Variants in ZBTB22 observed in about 807,000 individuals in gnomAD.
ZBTB22 encodes the protein zinc finger and BTB domain containing 22.
For missense variants in ZBTB22, 668 were observed against 834.1 expected (o/e 0.80, Z 2.45); for synonymous variants, 356 against 347.3 (o/e 1.03, Z -0.28).
chr6:33,314,798 T>G lies in ZBTB22; in HGVS notation c.*214A>C. The G allele has an allele frequency of 1.1e-6, 1 of 923,518 alleles. No homozygotes were observed. The highest frequency in any genetic ancestry group is 1.5e-6 in the Non-Finnish European group (1 of 658,144). 57.2% of individuals were successfully genotyped at this position (923,518 alleles called of 1,614,324 possible). ...GTACCCATCAGAGGGAAAGGAAGGG[T>G]TTAGTTCTGGAAATACCTTGGGGGG... On this transcript the variant is annotated 3_prime_UTR_variant, in exon 2 of 2. Transcript: ENST00000431845.
rs147203161 is a variant in ZBTB22, at chr6:33,316,134, T to C, written c.783A>G (p.Ala261=). The change falls in exon 2 of 2, where the codon GCA becomes GCG. Residue 261 remains alanine, a synonymous_variant. Coordinates refer to ENST00000431845, the MANE Select transcript of ZBTB22 (RefSeq NM_005453.5). This position sits in a 1 kb window ranked among gnomAD's most constrained non-coding sequence, Gnocchi z 7.2. ...CCCCACCATCATCGCACAGCTCATC[T>C]GCCTCCAGCAGCAGCTTTCCAGATG... ...GATSGKLLLE[A]DELCDDGGDG... 4.3e-6 allele frequency: 7 copies of C among 1,613,688 alleles called. No homozygotes were observed. The South Asian group carries it at 7.7e-5, about 18-fold the overall frequency.
intron 1 of ZBTB22, among the ~76,000 whole-genome samples, chr6:33,317,262 G>C (rs760856181): frequency 6.6e-6 from 1 of 152,192 alleles, no homozygotes; most frequent in Non-Finnish European, 1.5e-5. Context: ...GCTCTTAGGG[G>C]CTGGAGTGGC....
intron 1 of ZBTB22, 47 bp from the exon 2 acceptor site, chr6:33,317,032 A>G (rs1316824732): frequency 4.7e-6 from 6 of 1,270,414 alleles, no homozygotes; most frequent in Non-Finnish European, 6.4e-6. Flanking sequence ...TCATAACGAC[A>G]CAGCCCGTTA....
In ZBTB22 at chr6:33,315,986, G is replaced by C; in HGVS notation, c.931C>G (p.Pro311Ala). The change falls in exon 2 of 2, where the codon CCC becomes GCC. Residue 311 changes from proline (P) to alanine (A), a missense_variant. By Grantham distance (27) the Pro-to-Ala change is conservative. Coordinates refer to ENST00000431845, the MANE Select transcript of ZBTB22 (RefSeq NM_005453.5). The surrounding 1 kb of genome is among the most constrained non-coding windows in gnomAD (Gnocchi z 5.4). ...KRGGNCPAPT[P>A]LVPQDPDLEE... is the part of the protein sequence containing the mutation. Reference sequence around the variant, plus strand: ...AGATCTGGGTCTTGGGGAACCAGGGGTGTTGGCGCTGGGCAATTACCACCT... The same window carrying C: ...AGATCTGGGTCTTGGGGAACCAGGGCTGTTGGCGCTGGGCAATTACCACCT... 6.2e-7 allele frequency: 1 copy of C among 1,614,074 alleles called. No individual in the cohort carries two copies. Among genetic ancestry groups the C allele is most frequent in the Non-Finnish European group, 8.5e-7 (1 of 1,180,002 alleles).
Position 33,315,507 on chromosome 6 carries a change from A to C in ZBTB22, c.1410T>G (p.Val470=), listed in dbSNP as rs1769788390. The C allele has an allele frequency of 6.2e-7, 1 of 1,613,548 alleles. No homozygotes were observed. The highest frequency in any genetic ancestry group is 1.3e-5 in the African/African-American group (1 of 74,778). ...TGCCAGTCCCTCCAGGGACCCCACC[A>C]ACGCTACCCGGCACACCCAGGCTCC... ...SVGSLGVPGS[V]GGVPGGTGSG... The change falls in exon 2 of 2, where the codon GTT becomes GTG. Residue 470 remains valine, a synonymous_variant. Transcript: ENST00000431845. The surrounding 1 kb of genome is among the most constrained non-coding windows in gnomAD (Gnocchi z 5.4).
Position 33,316,819 on chromosome 6 carries a change from T to G in ZBTB22, c.98A>C (p.His33Pro). Reference sequence around the variant, plus strand: ...ACTGGTCACCTCAGGGAAGGACACATGTACCACTGCAGCTGCTGGCAGGGG... The same window carrying G: ...ACTGGTCACCTCAGGGAAGGACACAGGTACCACTGCAGCTGCTGGCAGGGG... ...PLPLPAAAVV[H>P]VSFPEVTSAL... Residue 33 changes from histidine (H) to proline (P), a missense_variant, in exon 2 of 2, where the codon CAT (histidine) becomes CCT (proline). Physicochemically the swap from His to Pro is moderately conservative, Grantham distance 77. Transcript: ENST00000431845. The surrounding 1 kb of genome is among the most constrained non-coding windows in gnomAD (Gnocchi z 7.2). The G allele has an allele frequency of 6.2e-7, 1 of 1,613,994 alleles. No individual in the cohort carries two copies. The highest frequency in any genetic ancestry group is 8.5e-7 in the Non-Finnish European group (1 of 1,179,996).
Position 33,315,818 on chromosome 6 carries a change from G to A in ZBTB22, c.1099C>T (p.Pro367Ser). 2.5e-6 allele frequency: 4 copies of A among 1,612,832 alleles called. No homozygotes were observed. The African/African-American group carries it at 5.3e-5, about 22-fold the overall frequency. The change falls in exon 2 of 2, where the codon CCC becomes TCC. Residue 367 changes from proline (P) to serine (S), a missense_variant. By Grantham distance (74) the Pro-to-Ser change is moderately conservative (BLOSUM62 -1). Coordinates refer to ENST00000431845, the MANE Select transcript of ZBTB22 (RefSeq NM_005453.5). This position sits in a 1 kb window ranked among gnomAD's most constrained non-coding sequence, Gnocchi z 5.4. ...SISDVRTLSE[P>S]PDKGEEQVNF... ...ACCTGCTCCTCCCCCTTGTCTGGGGGCTCACTCAGGGTACGGACATCACTT... is the reference window on the plus strand; with the variant it reads ...ACCTGCTCCTCCCCCTTGTCTGGGGACTCACTCAGGGTACGGACATCACTT...
At position 33,315,118 on chromosome 6, in the gene ZBTB22, C is replaced by A. The variant is rs570806041; in HGVS notation, c.1799G>T (p.Gly600Val). The A allele has an allele frequency of 2.5e-6, 4 of 1,612,204 alleles. No individual in the cohort carries two copies. The South Asian group carries it at 4.4e-5, about 18-fold the overall frequency. The change falls in exon 2 of 2, where the codon GGC (glycine) becomes GTC (valine). Residue 600 changes from glycine (G) to valine (V), a missense_variant. By Grantham distance (109) the Gly-to-Val change is moderately radical. Coordinates refer to ENST00000431845, the MANE Select transcript of ZBTB22 (RefSeq NM_005453.5). This position sits in a 1 kb window ranked among gnomAD's most constrained non-coding sequence, Gnocchi z 5.4. The part of the protein sequence containing the change: ...RESPGVGGGS[G>V]DEASAATPPS... ...GGGCGTGGCCGCACTCGCTTCGTCGCCGCTGCCCCCGCCCACTCCGGGAGA... is the reference window on the plus strand; with the variant it reads ...GGGCGTGGCCGCACTCGCTTCGTCGACGCTGCCCCCGCCCACTCCGGGAGA...
At position 33,314,858 on chromosome 6, in the gene ZBTB22, G is replaced by T. The variant is rs1156742835; in HGVS notation, c.*154C>A. 3 of 1,381,102 alleles carry T rather than the reference G, an allele frequency of 2.2e-6. No individual in the cohort carries two copies. Among genetic ancestry groups the T allele is most frequent in the Non-Finnish European group, 1.9e-6 (2 of 1,054,182 alleles). 85.6% of individuals were successfully genotyped at this position (1,381,102 alleles called of 1,614,324 possible). The stretch of plus-strand genomic sequence containing the variant: ...AGTAGTAGAATGGGCGGGCGATGGT[G>T]AAACTGTGGTTCCCCTTCCAGAATA... On this transcript the variant is annotated 3_prime_UTR_variant, in exon 2 of 2. Coordinates refer to ENST00000431845, the MANE Select transcript of ZBTB22 (RefSeq NM_005453.5).
At position 33,316,260 on chromosome 6, in the gene ZBTB22, A is replaced by T; in HGVS notation, c.657T>A (p.Ser219=). ...FSPRESTDFS[S]SSQEAFAASA... is the part of the protein sequence containing the mutation. Reference sequence around the variant, plus strand: ...AAGCTGCAAATGCCTCTTGGGAGGAAGATGAGAAATCAGTGGACTCCCTGG... The same window carrying T: ...AAGCTGCAAATGCCTCTTGGGAGGATGATGAGAAATCAGTGGACTCCCTGG... Residue 219 remains serine, a synonymous_variant, in exon 2 of 2, where the codon TCT becomes TCA. Coordinates refer to ENST00000431845, the MANE Select transcript of ZBTB22 (RefSeq NM_005453.5). This position sits in a 1 kb window ranked among gnomAD's most constrained non-coding sequence, Gnocchi z 7.2. The T allele has an allele frequency of 6.2e-7, 1 of 1,614,192 alleles. No homozygotes were observed. The highest frequency in any genetic ancestry group is 8.5e-7 in the Non-Finnish European group (1 of 1,180,028).
Position 33,315,059 on chromosome 6 carries a change from C to T in ZBTB22, c.1858G>A (p.Val620Ile). 6.3e-7 allele frequency: 1 copy of T among 1,588,292 alleles called. No homozygotes were observed. Among genetic ancestry groups the T allele is most frequent in the Middle Eastern group, 1.7e-4 (1 of 5,966 alleles). Residue 620 changes from valine to isoleucine, a missense_variant, in exon 2 of 2, where the codon GTC (valine) becomes ATC (isoleucine). Physicochemically the swap from Val to Ile is conservative, Grantham distance 29. Coordinates refer to ENST00000431845, the MANE Select transcript of ZBTB22 (RefSeq NM_005453.5). This position sits in a 1 kb window ranked among gnomAD's most constrained non-coding sequence, Gnocchi z 5.4. Reference protein sequence around the residue: ...SSRRVWSPPRVHKVEMGFGGG... With the variant: ...SSRRVWSPPRIHKVEMGFGGG... ...CCGAAGCCCATCTCCACCTTGTGGA[C>T]TCTGGGTGGGGACCAGACACGTCTG...
At position 33,316,139 on chromosome 6, in the gene ZBTB22, C is replaced by G. The variant is rs761953599; in HGVS notation, c.778G>C (p.Glu260Gln). The change falls in exon 2 of 2, where the codon GAG becomes CAG. Residue 260 changes from glutamate to glutamine, a missense_variant. Transcript: ENST00000431845. This position sits in a 1 kb window ranked among gnomAD's most constrained non-coding sequence, Gnocchi z 7.2. ...CCATCATCGCACAGCTCATCTGCCT[C>G]CAGCAGCAGCTTTCCAGATGTGGCC... ...GGATSGKLLLEADELCDDGGD... is the reference protein window; with the variant it reads ...GGATSGKLLLQADELCDDGGD... 4.3e-6 allele frequency: 7 copies of G among 1,613,804 alleles called. No individual in the cohort carries two copies. In the Admixed American group the frequency reaches 1.0e-4, roughly 23 times the overall value.
At chr6:33,317,216 C>T (rs1463228440) in intron 1 of ZBTB22, among the ~76,000 whole-genome samples, 2 of 152,182 alleles carry the variant, frequency 1.3e-5, no homozygotes, top group African/African-American at 4.8e-5. Flanking sequence ...TCTGACAAAT[C>T]TTGTGCCCTT....
chr6:33,317,236 G>A (rs994413473), intron 1 of ZBTB22, among the ~76,000 whole-genome samples: 2 of 152,180 alleles, frequency 1.3e-5, no homozygotes, highest in African/African-American at 2.4e-5. Flanking sequence ...TTCCTTGGAG[G>A]TTAGAGAAAT....
rs1371808843 is a variant in ZBTB22 at position 33,314,690 on chromosome 6, T to G, written c.*322A>C. 3 of 369,254 alleles carry G rather than the reference T, an allele frequency of 8.1e-6. No homozygotes were observed. Among genetic ancestry groups the G allele is most frequent in the Admixed American group, 4.3e-5 (1 of 23,440 alleles). 22.9% of individuals were successfully genotyped at this position (369,254 alleles called of 1,614,324 possible). Reference sequence around the variant, plus strand: ...GCACAGACTACAACCACCTGACCCCTGACCCTGTGACTGCAGGATGTTCAA... The same window carrying G: ...GCACAGACTACAACCACCTGACCCCGGACCCTGTGACTGCAGGATGTTCAA... On this transcript the variant is annotated 3_prime_UTR_variant, in exon 2 of 2. Transcript: ENST00000431845.
In ZBTB22 at chr6:33,315,690, G is replaced by A. The variant is rs756132726; in HGVS notation, c.1227C>T (p.Pro409=). 9.3e-6 allele frequency: 15 copies of A among 1,613,650 alleles called. No homozygotes were observed. In the South Asian group the frequency reaches 1.3e-4, roughly 14 times the overall value. ...GAAGGAGCGGTCGAGGAGGGTGGGA[G>A]GGGGCATAGGAAGAGGGAGTTGGCC... ...SGGPTPSSYA[P]SHPPRPLLPL... Residue 409 remains proline, a synonymous_variant, in exon 2 of 2, where the codon CCC becomes CCT. Transcript: ENST00000431845. This position sits in a 1 kb window ranked among gnomAD's most constrained non-coding sequence, Gnocchi z 5.4.
chr6:33,317,634 C>G lies in ZBTB22; in HGVS notation c.-70+19G>C, dbSNP rs1769991187. 1 of 138,626 alleles carries G rather than the reference C, an allele frequency of 7.2e-6. No individual in the cohort carries two copies. The highest frequency in any genetic ancestry group is 1.6e-5 in the Non-Finnish European group (1 of 63,136). The allele number at this position is 138,626 out of a possible 1,614,324, so 8.6% of individuals were successfully genotyped here. A position where few individuals can be genotyped will look rare whatever the true frequency, so the allele number is the denominator to read the frequency against. On this transcript the variant is annotated intron_variant, in intron 1 of 1. Coordinates refer to ENST00000431845, the MANE Select transcript of ZBTB22 (RefSeq NM_005453.5). ...TCCCACCCGGAAGGCGCCCCCCAACCTCGCGCGTCCCCGCTTACCGGGCCG... is the reference window on the plus strand; with the variant it reads ...TCCCACCCGGAAGGCGCCCCCCAACGTCGCGCGTCCCCGCTTACCGGGCCG...
Position 33,314,467 on chromosome 6 carries a change from G to C in ZBTB22, c.*545C>G. 4.3e-6 allele frequency: 1 copy of C among 230,650 alleles called. No individual in the cohort carries two copies. The highest frequency in any genetic ancestry group is 9.1e-5 in the South Asian group (1 of 10,974). 14.3% of individuals were successfully genotyped at this position (230,650 alleles called of 1,614,324 possible). A position where few individuals can be genotyped will look rare whatever the true frequency, so the allele number is the denominator to read the frequency against. On this transcript the variant is annotated 3_prime_UTR_variant, in exon 2 of 2. Coordinates refer to ENST00000431845, the MANE Select transcript of ZBTB22 (RefSeq NM_005453.5). The stretch of plus-strand genomic sequence containing the variant: ...CACTGTTAAAAAAAATAAAAACCTT[G>C]TACTCCTACGACTTACTCCCTCCTT...
rs757902613 is a variant in ZBTB22, at chr6:33,315,157, G to T, written c.1760C>A (p.Pro587Gln). The change falls in exon 2 of 2, where the codon CCG (proline) becomes CAG (glutamine). Residue 587 changes from proline to glutamine, a missense_variant. By Grantham distance (76) the Pro-to-Gln change is moderately conservative. Transcript: ENST00000431845. The surrounding 1 kb of genome is among the most constrained non-coding windows in gnomAD (Gnocchi z 5.4). ...GPGTPTGPSL[P>Q]SKRESPGVGG... ...CACTCCGGGAGACTCTCTCTTGGAC[G>T]GCAAGGATGGCCCCGTGGGAGTCCC... is the stretch of plus-strand genomic sequence containing the variant. 12 of 1,612,878 alleles carry T rather than the reference G, an allele frequency of 7.4e-6. No homozygotes were observed. Among genetic ancestry groups the T allele is most frequent in the East Asian group, 2.2e-5 (1 of 44,856 alleles).
Sources: gnomAD v4.1 joint callset for allele counts (sites outside exome capture counted in the v4.1 genomes callset) on GRCh38, gnomAD v4.1.1 for gene constraint, Gnocchi (gnomAD v3.1) non-coding constraint, MANE v1.5 for transcripts, NCBI Gene and HGNC (gene_info 2026-07-23, HGNC 2026-07-21) for gene names.